The following PNLIPRP3 variants were observed in gnomAD, a reference collection of about 807,000 sequenced individuals.
The protein encoded by PNLIPRP3 is pancreatic lipase related protein 3, also known as pancreatic lipase-related protein 3.
PNLIPRP3 carries 58 observed loss-of-function variants against 52.8 expected under a neutral mutation model. The observed-to-expected ratio is 1.10, with a 90% CI of 0.89 to 1.37. The LOEUF (loss-of-function observed/expected upper bound fraction) is 1.37. Ranked by LOEUF, PNLIPRP3 falls within the 40% of genes most tolerant of loss-of-function variation. The pLI is 0.00. For missense variants in PNLIPRP3, 593 were observed against 561.6 expected (o/e 1.06, Z -0.57); for synonymous variants, 192 against 185.0 (o/e 1.04, Z -0.31).
chr10:116,429,073 C>T (rs11197677), intron 1 of PNLIPRP3, among the ~76,000 whole-genome samples: 5,850 of 152,122 alleles, frequency 0.038, 159 homozygotes, highest in Admixed American at 0.1. Context: ...TTGACCATCT[C>T]GAATCCAAAA....
chr10:116,471,900 ACG>A, intron 10 of PNLIPRP3, 21 bp downstream of exon 10: 7 of 1,459,966 alleles, frequency 4.8e-6, no homozygotes, highest in Non-Finnish European at 6.7e-6. Flanking sequence ...TGAGAAACTG[ACG>A]CTTTGCACAG....
chr10:116,442,068 A>G (rs531270199), intron 2 of PNLIPRP3, among the ~76,000 whole-genome samples: 1 of 152,252 alleles, frequency 6.6e-6, no homozygotes, highest in African/African-American at 2.4e-5. Context: ...AAATATCTAA[A>G]TGTGTTGCTT....
rs146246563 is a variant in PNLIPRP3 at position 116,476,766 on chromosome 10, G to C, written c.1287G>C (p.Gln429His). The C allele has an allele frequency of 6.2e-7, 1 of 1,610,764 alleles. No individual in the cohort carries two copies. Among genetic ancestry groups the C allele is most frequent in the South Asian group, 1.1e-5 (1 of 90,490 alleles). Residue 429 changes from glutamine to histidine, a missense_variant, in exon 11 of 12, where the codon CAG becomes CAC. By Grantham distance (24) the Gln-to-His change is conservative. Coordinates refer to ENST00000369230, the MANE Select transcript of PNLIPRP3 (RefSeq NM_001011709.3). ...IWKKHLFEDS[Q>H]NKLGAEMVIN... ...AAAAACATTTGTTTGAAGATTCTCA[G>C]AATAAGTTGGGAGCAGAAATGGTGA...
Position 116,428,017 on chromosome 10 carries a change from T to TTGGAA in PNLIPRP3, c.7_11dup (p.Ile4MetfsTer24). 1 of 1,608,856 alleles carries TTGGAA rather than the reference T, an allele frequency of 6.2e-7. No individual in the cohort carries two copies. Among genetic ancestry groups the TTGGAA allele is most frequent in the Non-Finnish European group, 8.5e-7 (1 of 1,176,320 alleles). On this transcript the variant is annotated frameshift_variant, in exon 1 of 12. Coordinates refer to ENST00000369230, the MANE Select transcript of PNLIPRP3 (RefSeq NM_001011709.3). LOFTEE classifies it high-confidence loss of function. The stretch of plus-strand genomic sequence containing the variant: ...TGATTTAAAAAATCAGCTTAGATGC[T>TTGGAA]TGGAATTTGGATTGTTGCATTCTTG...
At chr10:116,466,209 T>C (rs1319906649) in intron 8 of PNLIPRP3, 41 bp downstream of exon 8, 1 of 1,447,076 alleles carries the variant, frequency 6.9e-7, no homozygotes, top group Admixed American at 1.9e-5. Flanking sequence ...TATAAAGTAA[T>C]TTTTTGAAAC....
chr10:116,476,342 G>C (rs551710952), intron 10 of PNLIPRP3, among the ~76,000 whole-genome samples: 2 of 152,240 alleles, frequency 1.3e-5, no homozygotes, highest in African/African-American at 4.8e-5. Flanking sequence ...CCTGGTGTCA[G>C]TATAATCTGG....
intron 4 of PNLIPRP3, among the ~76,000 whole-genome samples, chr10:116,444,940 A>C (rs962972941): frequency 3.3e-5 from 5 of 152,240 alleles, no homozygotes; most frequent in African/African-American, 9.6e-5. Context: ...AGGCCAGTCC[A>C]GACACAACTA....
intron 5 of PNLIPRP3, among the ~76,000 whole-genome samples, chr10:116,458,610 T>C (rs555750988): frequency 1.1e-4 from 17 of 152,342 alleles, no homozygotes; most frequent in African/African-American, 4.1e-4. Flanking sequence ...TGAAGATTAA[T>C]TGTGAGATAA....
chr10:116,431,706 T>C (rs1469494263), intron 1 of PNLIPRP3, among the ~76,000 whole-genome samples: 2 of 152,166 alleles, frequency 1.3e-5, no homozygotes, highest in Admixed American at 1.3e-4. Context: ...CAAAAGCAAC[T>C]ATTTTTCCCC....
intron 10 of PNLIPRP3, among the ~76,000 whole-genome samples, chr10:116,475,917 T>C (rs919636252): frequency 5.3e-5 from 8 of 152,110 alleles, no homozygotes; most frequent in African/African-American, 1.9e-4. Context: ...AAAGGGACTG[T>C]TTCATCAGAA....
Position 116,477,233 on chromosome 10 carries a change from A to T in PNLIPRP3, c.*80A>T, listed in dbSNP as rs1846486798. ...TCCTTCCACCTGGCATCCAGACCAA[A>T]TTTGACCCTTGTAAATGACTTAGTC... is the stretch of plus-strand genomic sequence containing the variant. On this transcript the variant is annotated 3_prime_UTR_variant, in exon 12 of 12. Coordinates refer to ENST00000369230, the MANE Select transcript of PNLIPRP3 (RefSeq NM_001011709.3). 1 of 1,180,630 alleles carries T rather than the reference A, an allele frequency of 8.5e-7. No homozygotes were observed. Among genetic ancestry groups the T allele is most frequent in the Admixed American group, 2.2e-5 (1 of 46,058 alleles). 73.1% of individuals were successfully genotyped at this position (1,180,630 alleles called of 1,614,324 possible). A position where few individuals can be genotyped will look rare whatever the true frequency, so the allele number is the denominator to read the frequency against.
chr10:116,471,668 AC>A lies in PNLIPRP3; in HGVS notation c.1061-97del, dbSNP rs1589991899. Reference sequence around the variant, plus strand: ...ATATGTGCAGCACTGTTCAAATACAACCCTGAAAATTTTATTTCCATTAAAG... The same window carrying A: ...ATATGTGCAGCACTGTTCAAATACAACCTGAAAATTTTATTTCCATTAAAG... On this transcript the variant is annotated intron_variant, in intron 9 of 11. Transcript: ENST00000369230. 5 of 931,406 alleles carry A rather than the reference AC, an allele frequency of 5.4e-6. No individual in the cohort carries two copies. The East Asian group carries it at 1.2e-4, about 23-fold the overall frequency. The allele number at this position is 931,406 out of a possible 1,614,324, so 57.7% of individuals were successfully genotyped here.
chr10:116,477,578 T>A lies in PNLIPRP3; in HGVS notation c.*425T>A, dbSNP rs1477634406. The stretch of plus-strand genomic sequence containing the variant: ...TAAAACTATTTGTTATGTTGTTAAA[T>A]CTTGCTGAGACAAATTATGACTATA... On this transcript the variant is annotated 3_prime_UTR_variant, in exon 12 of 12. Transcript: ENST00000369230. The A allele has an allele frequency of 6.4e-6, 1 of 155,606 alleles. No individual in the cohort carries two copies. Among genetic ancestry groups the A allele is most frequent in the Non-Finnish European group, 1.4e-5 (1 of 70,612 alleles). The allele number at this position is 155,606 out of a possible 1,614,324, so 9.6% of individuals were successfully genotyped here.
intron 1 of PNLIPRP3, among the ~76,000 whole-genome samples, chr10:116,436,332 C>T (rs1845772771): frequency 6.6e-6 from 1 of 152,138 alleles, no homozygotes; most frequent in South Asian, 2.1e-4. Flanking sequence ...TACCTTATGC[C>T]ATATACAAAA....
At position 116,476,774 on chromosome 10, in the gene PNLIPRP3, T is replaced by G; in HGVS notation, c.1295T>G (p.Leu432Trp). ...TTGTTTGAAGATTCTCAGAATAAGT[T>G]GGGAGCAGAAATGGTGATAAATACA... ...KHLFEDSQNKLGAEMVINTSG... is the reference protein window; with the variant it reads ...KHLFEDSQNKWGAEMVINTSG... The change falls in exon 11 of 12, where the codon TTG becomes TGG. Residue 432 changes from leucine (L) to tryptophan (W), a missense_variant. Coordinates refer to ENST00000369230, the MANE Select transcript of PNLIPRP3 (RefSeq NM_001011709.3). 1 of 1,610,550 alleles carries G rather than the reference T, an allele frequency of 6.2e-7. No individual in the cohort carries two copies. The highest frequency in any genetic ancestry group is 8.5e-7 in the Non-Finnish European group (1 of 1,178,454).
chr10:116,471,287 G>T (rs1227669796), intron 9 of PNLIPRP3, among the ~76,000 whole-genome samples: 2 of 152,138 alleles, frequency 1.3e-5, no homozygotes, highest in Non-Finnish European at 2.9e-5. Context: ...ACATATCCCT[G>T]CAGGAGAAGA....
At chr10:116,439,276 G>A (rs1845823393) in intron 2 of PNLIPRP3, among the ~76,000 whole-genome samples, 1 of 152,158 alleles carries the variant, frequency 6.6e-6, no homozygotes. Flanking sequence ...CCAGACACCC[G>A]TGGCCACTTC....
chr10:116,446,156 C>A (rs749306443), intron 4 of PNLIPRP3, among the ~76,000 whole-genome samples: 1 of 151,812 alleles, frequency 6.6e-6, no homozygotes, highest in Non-Finnish European at 1.5e-5. Context: ...ACCATCCTGG[C>A]GAACAAAATG....
intron 2 of PNLIPRP3, among the ~76,000 whole-genome samples, chr10:116,437,800 A>G (rs989416643): frequency 6.6e-6 from 1 of 152,158 alleles, no homozygotes; most frequent in African/African-American, 2.4e-5. Context: ...TAAAAACTCA[A>G]TTCATCAGCC....
Sources: gnomAD v4.1 joint callset for allele counts (sites outside exome capture counted in the v4.1 genomes callset) on GRCh38, gnomAD v4.1.1 for gene constraint, MANE v1.5 for transcripts, NCBI Gene and HGNC (gene_info 2026-07-23, HGNC 2026-07-21) for gene names.